The following MACC1 variants were observed in gnomAD, a reference collection of about 807,000 sequenced individuals.
The protein encoded by MACC1 is MET transcriptional regulator MACC1.
A neutral mutation model predicts 70.7 loss-of-function variants in MACC1; 79 were observed. That is an observed-to-expected ratio of 1.12 (90% CI 0.93 to 1.35). The LOEUF (loss-of-function observed/expected upper bound fraction) is 1.35, where lower values mean the gene tolerates loss of function less well. MACC1 is among the 40% of genes most tolerant of loss of function. MACC1 has a pLI of 0.00. For synonymous variants in MACC1, 361 were observed against 347.2 expected, an observed-to-expected ratio of 1.04 and a Z score of -0.44; for missense variants, 1,106 against 978.1, an observed-to-expected ratio of 1.13 and a Z score of -1.74.
At chr7:20,158,167 C>T (rs369916268) in intron 5 of MACC1, 37 bp downstream of exon 5, 8 of 1,523,434 alleles carry the variant, frequency 5.3e-6, no homozygotes, top group Admixed American at 4.5e-5. Context: ...ATACAATTCT[C>T]GATGGCAATT....
intron 1 of MACC1, among the ~76,000 whole-genome samples, chr7:20,171,235 C>A (rs1782300500): frequency 6.7e-6 from 1 of 148,658 alleles, no homozygotes; most frequent in Admixed American, 6.8e-5. Flanking sequence ...TTACTAGAAA[C>A]TGGAAGATTA....
At chr7:20,176,987 G>A (rs1782402822) in intron 1 of MACC1, among the ~76,000 whole-genome samples, 1 of 152,042 alleles carries the variant, frequency 6.6e-6, no homozygotes, top group South Asian at 2.1e-4. Context: ...AACTGGTTTT[G>A]TATCTTAATA....
At position 20,200,170 on chromosome 7, in the gene MACC1, TG is replaced by T. The variant is rs1329231142; in HGVS notation, c.-218+17128del. ...GAGTGTGTGGGAATAACAGTTTTAT[TG>T]GGGAAAGGAAATACAGGGGCTAACT... On this transcript the variant is annotated intron_variant, in intron 1 of 6. Transcript: ENST00000400331. 2.6e-5 allele frequency among the ~76,000 whole-genome samples: 4 copies of T among 152,076 alleles called. No individual in the cohort carries two copies. The East Asian group carries it at 7.7e-4, about 29-fold the overall frequency.
intron 6 of MACC1, 78 bp downstream of exon 6, chr7:20,154,115 T>C: frequency 1.4e-6 from 2 of 1,448,038 alleles, no homozygotes; most frequent in Non-Finnish European, 1.9e-6. Context: ...AATCCGTGAA[T>C]GTGGTATGGG....
intron 2 of MACC1, among the ~76,000 whole-genome samples, chr7:20,168,090 T>C (rs1227610815): frequency 1.3e-5 from 2 of 152,166 alleles, no homozygotes; most frequent in Non-Finnish European, 2.9e-5. Context: ...TTGATAGTTA[T>C]TTGTCTTTTT....
chr7:20,203,639 T>A (rs1403620746), intron 1 of MACC1, among the ~76,000 whole-genome samples: 1 of 152,174 alleles, frequency 6.6e-6, no homozygotes, highest in East Asian at 1.9e-4. Context: ...ATTGGGATAG[T>A]CCTTCAAAAA....
intron 1 of MACC1, among the ~76,000 whole-genome samples, chr7:20,208,159 A>G (rs1167487084): frequency 6.6e-6 from 1 of 152,206 alleles, no homozygotes; most frequent in Non-Finnish European, 1.5e-5. Context: ...TTTCTTTTAT[A>G]AATTATCCAG....
chr7:20,208,094 T>C (rs1782938406), intron 1 of MACC1, among the ~76,000 whole-genome samples: 1 of 152,206 alleles, frequency 6.6e-6, no homozygotes, highest in African/African-American at 2.4e-5. Context: ...TCCACCATGA[T>C]TGTAAGCTTC....
chr7:20,169,871 A>T (rs1583394008), intron 2 of MACC1, among the ~76,000 whole-genome samples: 1 of 152,234 alleles, frequency 6.6e-6, no homozygotes, highest in East Asian at 1.9e-4. Context: ...GCACAAGAGG[A>T]CCCCTTGCTT....
intron 3 of MACC1, among the ~76,000 whole-genome samples, chr7:20,162,240 T>C (rs1254686920): frequency 6.6e-6 from 1 of 152,064 alleles, no homozygotes; most frequent in East Asian, 1.9e-4. Context: ...AACTAAAAAT[T>C]TTCCCCTAAA....
At chr7:20,174,384 T>C (rs1782361592) in intron 1 of MACC1, among the ~76,000 whole-genome samples, 1 of 152,140 alleles carries the variant, frequency 6.6e-6, no homozygotes, top group Non-Finnish European at 1.5e-5. Flanking sequence ...TGAATTCAGG[T>C]ATGAGAAAGA....
At chr7:20,179,329 T>TTAAGTCCACTTAATA (rs1782464055) in intron 1 of MACC1, among the ~76,000 whole-genome samples, 1 of 152,220 alleles carries the variant, frequency 6.6e-6, no homozygotes, top group Non-Finnish European at 1.5e-5. Context: ...ACTTAATAAT[T>TTAAGTCCACTTAATA]ATGGCTGTGT....
At chr7:20,196,767 A>C (rs1782761082) in intron 1 of MACC1, among the ~76,000 whole-genome samples, 1 of 152,174 alleles carries the variant, frequency 6.6e-6, no homozygotes, top group African/African-American at 2.4e-5. Context: ...CGGTTTTCTC[A>C]AATGAAATAT....
chr7:20,140,824 CA>C lies in MACC1; in HGVS notation c.*121del. 5 of 563,364 alleles carry C rather than the reference CA, an allele frequency of 8.9e-6. No homozygotes were observed. Among genetic ancestry groups the C allele is most frequent in the Non-Finnish European group, 1.5e-5 (5 of 344,422 alleles). The allele number at this position is 563,364 out of a possible 1,614,324, so 34.9% of individuals were successfully genotyped here. A position where few individuals can be genotyped will look rare whatever the true frequency, so the allele number is the denominator to read the frequency against. The stretch of plus-strand genomic sequence containing the variant: ...TCCTACACACACACACACACACACA[CA>C]GACACACACACACAGACACACACAC... On this transcript the variant is annotated 3_prime_UTR_variant, in exon 7 of 7. Transcript: ENST00000400331.
intron 1 of MACC1, among the ~76,000 whole-genome samples, chr7:20,186,875 T>C (rs1166735433): frequency 6.6e-6 from 1 of 152,194 alleles, no homozygotes; most frequent in Non-Finnish European, 1.5e-5. Flanking sequence ...GACGAAAGTA[T>C]TTAACAGCAT....
At chr7:20,215,522 A>G (rs1487503481) in intron 1 of MACC1, among the ~76,000 whole-genome samples, 1 of 152,218 alleles carries the variant, frequency 6.6e-6, no homozygotes, top group Non-Finnish European at 1.5e-5. Flanking sequence ...GTTTCATTCT[A>G]ATTCTATCCT....
intron 1 of MACC1, among the ~76,000 whole-genome samples, chr7:20,207,411 CA>C (rs1465182537): frequency 1.3e-5 from 2 of 151,988 alleles, no homozygotes; most frequent in Non-Finnish European, 2.9e-5. Context: ...TTCTGTCTCC[CA>C]AAGTGCTGGG....
At chr7:20,164,671 T>G in intron 2 of MACC1, among the ~76,000 whole-genome samples, 1 of 152,184 alleles carries the variant, frequency 6.6e-6, no homozygotes, top group Admixed American at 6.5e-5. Flanking sequence ...CTGGCAGACC[T>G]TCCAAATGCT....
Position 20,158,835 on chromosome 7 carries a change from G to A in MACC1, c.1526C>T (p.Pro509Leu), listed in dbSNP as rs762314973. 1.2e-6 allele frequency: 2 copies of A among 1,613,956 alleles called. No homozygotes were observed. The highest frequency in any genetic ancestry group is 3.3e-5 in the Admixed American group (2 of 59,994). Residue 509 changes from proline (P) to leucine (L), a missense_variant, in exon 5 of 7, where the codon CCA becomes CTA. Physicochemically the swap from Pro to Leu is moderately conservative, Grantham distance 98. Coordinates refer to ENST00000400331, the MANE Select transcript of MACC1 (RefSeq NM_182762.4). ...QFSITTPDPTPNLKRLSNLPG... is the reference protein window; with the variant it reads ...QFSITTPDPTLNLKRLSNLPG... The stretch of plus-strand genomic sequence containing the variant: ...CAGATTCGAGAGTCTTTTTAGGTTT[G>A]GGGTTGGATCAGGAGTAGTGATAGA...
Sources: allele counts gnomAD v4.1 joint callset (sites outside exome capture counted in the v4.1 genomes callset), GRCh38; gene constraint gnomAD v4.1.1; transcripts MANE v1.5; gene names NCBI Gene and HGNC (gene_info 2026-07-23, HGNC 2026-07-21).